The following SVOPL variants were observed in gnomAD, a reference collection of about 807,000 sequenced individuals.
The protein encoded by SVOPL is putative transporter SVOPL.
Under a neutral mutation model 61.0 loss-of-function variants are expected in SVOPL, and 60 were observed. The ratio of observed to expected loss-of-function variants is 0.98; its 90% CI spans 0.80 to 1.22. The LOEUF (loss-of-function observed/expected upper bound fraction) is 1.22. SVOPL is among the 50% of genes most tolerant of loss of function. SVOPL has a pLI of 0.00. For synonymous variants in SVOPL, 279 were observed against 250.0 expected (o/e 1.12, Z -1.09); for missense variants, 662 against 643.9 (o/e 1.03, Z -0.30).
At chr7:138,691,595 C>T (rs1802943459) in intron 1 of SVOPL, among the ~76,000 whole-genome samples, 3 of 152,294 alleles carry the variant, frequency 2.0e-5, no homozygotes, top group East Asian at 1.9e-4. Flanking sequence ...GGCTGGAGTG[C>T]GATGGCGTGA....
chr7:138,664,235 G>C (rs1244734483), intron 4 of SVOPL: 1 of 956,834 alleles, frequency 1.0e-6, no homozygotes, highest in Admixed American at 8.5e-5. Context: ...CCTCCCTCGC[G>C]CGCCCCACCT....
At chr7:138,700,218 C>T (rs954368193) in intron 1 of SVOPL, among the ~76,000 whole-genome samples, 1 of 151,420 alleles carries the variant, frequency 6.6e-6, no homozygotes, top group African/African-American at 2.4e-5. Context: ...AAGAGAACAA[C>T]ATGTTTGAGA....
At chr7:138,685,711 T>TGCA (rs1802793254) in intron 1 of SVOPL, among the ~76,000 whole-genome samples, 1 of 151,636 alleles carries the variant, frequency 6.6e-6, no homozygotes, top group Non-Finnish European at 1.5e-5. Context: ...AATACAAAAA[T>TGCA]TAGCCAGGCG....
intron 3 of SVOPL, among the ~76,000 whole-genome samples, chr7:138,675,690 G>A (rs776577171): frequency 6.6e-6 from 1 of 151,988 alleles, no homozygotes; most frequent in Non-Finnish European, 1.5e-5. Context: ...TAGCTGTTTG[G>A]GGAGGGTCAG....
At chr7:138,615,905 G>A (rs1272907679) in intron 14 of SVOPL, among the ~76,000 whole-genome samples, 2 of 152,030 alleles carry the variant, frequency 1.3e-5, no homozygotes, top group African/African-American at 4.8e-5. Flanking sequence ...CCTCTTTCTG[G>A]ATGTGAGGAC....
chr7:138,667,869 T>A (rs1404045430), intron 4 of SVOPL, among the ~76,000 whole-genome samples: 1 of 152,054 alleles, frequency 6.6e-6, no homozygotes, highest in Non-Finnish European at 1.5e-5. Context: ...GGGAGTAACT[T>A]ACTTTATAGT....
intron 14 of SVOPL, chr7:138,596,937 T>C (rs939676279): frequency 3.7e-5 from 41 of 1,119,336 alleles, no homozygotes; most frequent in Middle Eastern, 2.8e-4. Context: ...TCTTCAGTCC[T>C]GACAGCATGA....
chr7:138,651,106 T>G (rs1456996350), intron 7 of SVOPL, among the ~76,000 whole-genome samples: 1 of 151,914 alleles, frequency 6.6e-6, no homozygotes, highest in Non-Finnish European at 1.5e-5. Flanking sequence ...ATGAGCCAGT[T>G]CTGGACTTGG....
chr7:138,648,840 TG>T (rs974101173), intron 8 of SVOPL, among the ~76,000 whole-genome samples, 171 bp downstream of exon 8: 1 of 152,138 alleles, frequency 6.6e-6, no homozygotes, highest in African/African-American at 2.4e-5. Context: ...GAGAATCACC[TG>T]AACCTGGGAG....
chr7:138,674,059 G>A (rs1320628131), intron 3 of SVOPL, among the ~76,000 whole-genome samples: 1 of 151,938 alleles, frequency 6.6e-6, no homozygotes, highest in Non-Finnish European at 1.5e-5. Context: ...GTGGTGGCAT[G>A]TGCCTATAAT....
chr7:138,638,272 C>CAAAAAAAA (rs56000217), intron 9 of SVOPL, among the ~76,000 whole-genome samples: 2 of 95,814 alleles, frequency 2.1e-5, no homozygotes, highest in African/African-American at 8.3e-5. Context: ...GACTCCACCT[C>CAAAAAAAA]AAAAAAAAAA....
At chr7:138,641,926 TAC>T (rs34233604) in intron 9 of SVOPL, among the ~76,000 whole-genome samples, 126,326 of 145,924 alleles carry the variant, frequency 0.87, 54,840 homozygotes, top group East Asian at 1. Context: ...TGTATGTGTA[TAC>T]ACACACACAC....
intron 14 of SVOPL, among the ~76,000 whole-genome samples, chr7:138,620,444 C>CAAAAAAAAAA (rs3080386): frequency 2.3e-5 from 2 of 87,282 alleles, no homozygotes; most frequent in Non-Finnish European, 4.5e-5. Context: ...TCTTTGCAGC[C>CAAAAAAAAAA]AAAAAAAAAA....
At chr7:138,664,995 C>G (rs1380694396) in intron 4 of SVOPL, among the ~76,000 whole-genome samples, 17 of 15,078 alleles carry the variant, frequency 1.1e-3, no homozygotes, top group Admixed American at 8.0e-3. Flanking sequence ...CCCCTGACCC[C>G]CGACACTTCC....
chr7:138,595,154 T>G (rs1048251605), intron 15 of SVOPL, among the ~76,000 whole-genome samples: 1 of 152,196 alleles, frequency 6.6e-6, no homozygotes, highest in South Asian at 2.1e-4. Flanking sequence ...AACACCACTT[T>G]AAAACTATTG....
At chr7:138,601,944 C>T (rs536422254) in intron 14 of SVOPL, among the ~76,000 whole-genome samples, 45 of 152,158 alleles carry the variant, frequency 3.0e-4, no homozygotes, top group African/African-American at 1.1e-3. Flanking sequence ...CTGTTCATCC[C>T]TTGTCCGTTC....
In SVOPL at chr7:138,661,282, C is replaced by T. The variant is rs575508302; in HGVS notation, c.346-1294G>A. 310 of 985,238 alleles carry T rather than the reference C, an allele frequency of 3.1e-4. 2 individuals carry two copies. Among genetic ancestry groups the T allele is most frequent in the Middle Eastern group, 5.2e-4 (1 of 1,936 alleles). The allele number at this position is 985,238 out of a possible 1,614,324, so 61.0% of individuals were successfully genotyped here. A position where few individuals can be genotyped will look rare whatever the true frequency, so the allele number is the denominator to read the frequency against. On this transcript the variant is annotated intron_variant, in intron 5 of 15. Coordinates refer to ENST00000674285, the MANE Select transcript of SVOPL (RefSeq NM_001139456.2). ...CTTAGTAGGCACGTGACTTTGAGCA[C>T]GTAGCTAGTTTCAAAGCTATACCAA... is the stretch of plus-strand genomic sequence containing the variant.
chr7:138,666,335 G>A (rs536803130), intron 4 of SVOPL, among the ~76,000 whole-genome samples: 1 of 152,328 alleles, frequency 6.6e-6, no homozygotes, highest in African/African-American at 2.4e-5. Flanking sequence ...TATTTTATAT[G>A]TAGAAGAAAA....
chr7:138,644,094 G>T (rs761860816), intron 9 of SVOPL, among the ~76,000 whole-genome samples: 1 of 150,422 alleles, frequency 6.6e-6, no homozygotes, highest in Non-Finnish European at 1.5e-5. Flanking sequence ...CCAGCTACTC[G>T]GGAGGCTGAC....
Sources: allele counts gnomAD v4.1 joint callset (sites outside exome capture counted in the v4.1 genomes callset), GRCh38; gene constraint gnomAD v4.1.1; transcripts MANE v1.5; gene names NCBI Gene and HGNC (gene_info 2026-07-23, HGNC 2026-07-21).